The following ZEB1 variants were observed in gnomAD, a reference collection of about 807,000 sequenced individuals.
The protein encoded by ZEB1 is zinc finger E-box binding homeobox 1.
ZEB1 carries 21 observed loss-of-function variants against 84.9 expected under a neutral mutation model. The ratio of observed to expected loss-of-function variants is 0.25; its 90% confidence interval spans 0.18 to 0.36. The LOEUF (loss-of-function observed/expected upper bound fraction) is 0.36. ZEB1 is among the 10% of genes least tolerant of loss of function. ZEB1 has a pLI of 1.00. For missense variants in ZEB1, 1,104 were observed against 1,330.2 expected (o/e 0.83, Z 2.65); for synonymous variants, 420 against 471.1 (o/e 0.89, Z 1.41).
intron 2 of ZEB1, among the ~76,000 whole-genome samples, chr10:31,481,508 A>G (rs2065036241): frequency 1.3e-5 from 2 of 152,112 alleles, no homozygotes; most frequent in South Asian, 4.2e-4. Flanking sequence ...TAAATAAGTA[A>G]AAATAAATTT....
At chr10:31,419,613 A>G (rs1341982854) in intron 1 of ZEB1, among the ~76,000 whole-genome samples, 1 of 152,070 alleles carries the variant, frequency 6.6e-6, no homozygotes, top group African/African-American at 2.4e-5. Context: ...CTCTGTTGTA[A>G]CATCTCAAAT....
intron 1 of ZEB1, among the ~76,000 whole-genome samples, chr10:31,449,138 T>A (rs962745490): frequency 1.3e-5 from 2 of 152,232 alleles, no homozygotes; most frequent in South Asian, 2.1e-4. Context: ...TAAGCCAGTC[T>A]GAAAAGCGCA....
chr10:31,376,695 C>T (rs931958461), intron 1 of ZEB1, among the ~76,000 whole-genome samples: 3 of 151,364 alleles, frequency 2.0e-5, no homozygotes, highest in Non-Finnish European at 3.0e-5. Context: ...AGTTTCCTTA[C>T]CTGTAAAATG....
At chr10:31,400,741 A>G (rs2051822439) in intron 1 of ZEB1, among the ~76,000 whole-genome samples, 1 of 152,144 alleles carries the variant, frequency 6.6e-6, no homozygotes, top group South Asian at 2.1e-4. Flanking sequence ...TTTCATCTTC[A>G]AAAAGCATGG....
At position 31,526,703 on chromosome 10, in the gene ZEB1, A is replaced by G; in HGVS notation, c.2817A>G (p.Lys939=). 2 of 1,614,096 alleles carry G rather than the reference A, an allele frequency of 1.2e-6. No homozygotes were observed. Residue 939 remains lysine (K), a synonymous_variant, in exon 9 of 9, where the codon AAA becomes AAG. Transcript: ENST00000424869. The stretch of plus-strand genomic sequence containing the variant: ...GACCTCATGAGTGTGGAATCTGTAA[A>G]AAGGCATTTAAACACAAACATCATT... The part of the protein sequence containing the change: ...GKRPHECGIC[K]KAFKHKHHLI...
At chr10:31,321,671 A>G (rs1260069497) in intron 1 of ZEB1, 3 of 1,219,960 alleles carry the variant, frequency 2.5e-6, no homozygotes, top group Non-Finnish European at 3.6e-6. Context: ...CAGCTGCTGT[A>G]AACATGTTTA....
chr10:31,340,444 G>T (rs1410941307), intron 1 of ZEB1, among the ~76,000 whole-genome samples: 1 of 152,158 alleles, frequency 6.6e-6, no homozygotes, highest in Non-Finnish European at 1.5e-5. Context: ...TAGCATTTTA[G>T]TAGTAGCACT....
chr10:31,483,077 G>C (rs1238592447), intron 2 of ZEB1, among the ~76,000 whole-genome samples: 1 of 151,986 alleles, frequency 6.6e-6, no homozygotes, highest in African/African-American at 2.4e-5. Context: ...AGGCTTTTCT[G>C]TTCAGGCCTG....
intron 1 of ZEB1, among the ~76,000 whole-genome samples, chr10:31,390,420 G>C (rs1463153896): frequency 1.3e-5 from 2 of 152,050 alleles, no homozygotes; most frequent in African/African-American, 4.8e-5. Context: ...CAGAAGAGGG[G>C]CTCAAATGGC....
chr10:31,496,423 A>G (rs940909957), intron 3 of ZEB1, among the ~76,000 whole-genome samples: 1 of 152,124 alleles, frequency 6.6e-6, no homozygotes, highest in African/African-American at 2.4e-5. Flanking sequence ...ACTAAAAAGT[A>G]CATATTCCCT....
At chr10:31,339,390 G>T (rs1484817254) in intron 1 of ZEB1, among the ~76,000 whole-genome samples, 1 of 152,084 alleles carries the variant, frequency 6.6e-6, no homozygotes, top group Non-Finnish European at 1.5e-5. Flanking sequence ...CTGTCTCTTT[G>T]CACATGTGTG....
At chr10:31,447,510 C>T (rs1294296332) in intron 1 of ZEB1, among the ~76,000 whole-genome samples, 4 of 132,782 alleles carry the variant, frequency 3.0e-5, no homozygotes, top group Non-Finnish European at 4.8e-5. Flanking sequence ...TTCCTAGTCT[C>T]GATGGTCTTT....
At chr10:31,412,311 G>A (rs898633747) in intron 1 of ZEB1, among the ~76,000 whole-genome samples, 1 of 152,058 alleles carries the variant, frequency 6.6e-6, no homozygotes, top group Non-Finnish European at 1.5e-5. Flanking sequence ...TGCACAACAT[G>A]CAGGTTTGTT....
intron 1 of ZEB1, among the ~76,000 whole-genome samples, chr10:31,339,838 T>G (rs1485479273): frequency 6.6e-6 from 1 of 152,054 alleles, no homozygotes; most frequent in Admixed American, 6.5e-5. Flanking sequence ...TCAGATAATT[T>G]GGGATGTTCA....
At position 31,520,803 on chromosome 10, in the gene ZEB1, C is replaced by T; in HGVS notation, c.1471C>T (p.Gln491Ter). 1 of 1,613,814 alleles carries T rather than the reference C, an allele frequency of 6.2e-7. No individual in the cohort carries two copies. The highest frequency in any genetic ancestry group is 8.5e-7 in the Non-Finnish European group (1 of 1,179,932). Residue 491 changes from glutamine (Q) to a stop codon, truncating the protein, a stop_gained, in exon 7 of 9, where the codon CAA becomes TAA. Coordinates refer to ENST00000424869, the MANE Select transcript of ZEB1 (RefSeq NM_001174096.2). LOFTEE classifies it high-confidence loss of function. This position sits in a 1 kb window ranked among gnomAD's most constrained non-coding sequence, Gnocchi z 5.1. ...EQPSQLQVVPQNLKKENPVAT... is the reference protein window; with the variant it reads ...EQPSQLQVVP ...GCCTAGCCAACTTCAAGTTGTTCCT[C>T]AAAATTTAAAAAAAGAAAATCCAGT...
chr10:31,372,655 G>C (rs1261574237), intron 1 of ZEB1, among the ~76,000 whole-genome samples: 1 of 151,986 alleles, frequency 6.6e-6, no homozygotes, highest in African/African-American at 2.4e-5. Flanking sequence ...AAATATAGAT[G>C]ATACTGTCAG....
At chr10:31,498,661 C>T (rs1282982517) in intron 3 of ZEB1, among the ~76,000 whole-genome samples, 1 of 151,874 alleles carries the variant, frequency 6.6e-6, no homozygotes, top group Non-Finnish European at 1.5e-5. Context: ...TTTTAAATGT[C>T]AGTAGTTACA....
chr10:31,361,279 A>C, intron 1 of ZEB1: 1 of 1,506,966 alleles, frequency 6.6e-7, no homozygotes, highest in Non-Finnish European at 9.1e-7. Context: ...TGCAACCTCC[A>C]CTTCCCGGGT....
Position 31,319,520 on chromosome 10 carries a change from C to T in ZEB1, c.58+228C>T, listed in dbSNP as rs2033128552. The T allele has an allele frequency of 9.1e-6, 5 of 550,752 alleles. No homozygotes were observed. The East Asian group carries it at 1.3e-4, about 14-fold the overall frequency. The allele number at this position is 550,752 out of a possible 1,614,324, so 34.1% of individuals were successfully genotyped here. Reference sequence around the variant, plus strand: ...TGAACCGTTATGTCTCTTACCTGGTCTCTCTCCGCCTAGCGGCTCCCGCCG... The same window carrying T: ...TGAACCGTTATGTCTCTTACCTGGTTTCTCTCCGCCTAGCGGCTCCCGCCG... On this transcript the variant is annotated intron_variant, in intron 1 of 8. Transcript: ENST00000424869.
Sources: allele counts gnomAD v4.1 joint callset (sites outside exome capture counted in the v4.1 genomes callset), GRCh38; gene constraint gnomAD v4.1.1; non-coding constraint Gnocchi (gnomAD v3.1); transcripts MANE v1.5; gene names NCBI Gene and HGNC (gene_info 2026-07-23, HGNC 2026-07-21).